KCNQ1OT1: variants seen among roughly 807,000 people sequenced by gnomAD.
KCNQ1OT1 encodes KCNQ1 antisense RNA 2 (non-protein coding).
At chr11:2,655,366 G>A (rs1337800748) in exon 1 of KCNQ1OT1, 6 of 398,560 alleles carry the variant, frequency 1.5e-5, no homozygotes, top group Middle Eastern at 6.2e-4. Flanking sequence ...AACCAGGACT[G>A]TCTTAGGAAA....
In KCNQ1OT1 at chr11:2,669,401, C is replaced by T. The variant is rs1850142362; in HGVS notation, n.30594G>A. On this transcript the variant is annotated non_coding_transcript_exon_variant, in exon 1 of 1. Coordinates refer to ENST00000597346, the Ensembl canonical transcript of KCNQ1OT1. The surrounding 1 kb of genome is among the most constrained non-coding windows in gnomAD (Gnocchi z 5.6). ...TTTTGGGGCTCCTGAAACATGGCAT[C>T]ATGTGTCCCTTGTTTATTTAGGTTG... 5.0e-6 allele frequency: 2 copies of T among 398,514 alleles called. No homozygotes were observed. The highest frequency in any genetic ancestry group is 8.8e-6 in the Non-Finnish European group (2 of 226,078). The allele number at this position is 398,514 out of a possible 1,614,324, so 24.7% of individuals were successfully genotyped here.
chr11:2,629,514 T>C (rs1472779434), exon 1 of KCNQ1OT1: 2 of 398,290 alleles, frequency 5.0e-6, no homozygotes, highest in Non-Finnish European at 8.9e-6. Flanking sequence ...GTATATGGAG[T>C]TAGGTAAAGG....
In KCNQ1OT1 at chr11:2,618,125, C is replaced by G. The variant is rs113339032; in HGVS notation, n.81870G>C. On this transcript the variant is annotated non_coding_transcript_exon_variant, in exon 1 of 1. Transcript: ENST00000597346. ...GCCAGAGCCATGTCGAGCTTTTCCC[C>G]TATGTTTTCTTCTGGTTGTGGGTTT... 243 of 398,424 alleles carry G rather than the reference C, an allele frequency of 6.1e-4. 1 individual carries two copies. The highest frequency in any genetic ancestry group is 8.7e-4 in the Non-Finnish European group (196 of 226,024). 24.7% of individuals were successfully genotyped at this position (398,424 alleles called of 1,614,324 possible).
At chr11:2,648,201 T>A (rs1849696885) in exon 1 of KCNQ1OT1, 2 of 334,246 alleles carry the variant, frequency 6.0e-6, no homozygotes, top group Admixed American at 5.5e-5. Flanking sequence ...TGAGACCGTG[T>A]CTCGGGGGGT....
chr11:2,648,981 C>CT, exon 1 of KCNQ1OT1: 5,277 of 311,516 alleles, frequency 0.017, 26 homozygotes, highest in African/African-American at 0.028. Context: ...TTTTCTTTTT[C>CT]TTTTTTTTTT....
chr11:2,666,473 G>T (rs779582430), exon 1 of KCNQ1OT1: 1 of 398,528 alleles, frequency 2.5e-6, no homozygotes, highest in African/African-American at 2.1e-5. Flanking sequence ...AGAATCTCAC[G>T]CCAAGACATT....
At chr11:2,650,203 T>G in exon 1 of KCNQ1OT1, 1 of 398,542 alleles carries the variant, frequency 2.5e-6, no homozygotes, top group East Asian at 3.6e-5. Flanking sequence ...TCCTGATATG[T>G]TTGTATTGTC....
Position 2,653,921 on chromosome 11 carries a change from G to A in KCNQ1OT1, n.46074C>T. On this transcript the variant is annotated non_coding_transcript_exon_variant, in exon 1 of 1. Coordinates refer to ENST00000597346, the Ensembl canonical transcript of KCNQ1OT1. The surrounding 1 kb of genome is among the most constrained non-coding windows in gnomAD (Gnocchi z 5.3). ...AAGATTTGAGAAGCTGTTCCCAGAA[G>A]CCAGGCCTGGCTGCTGGCAGGCAAA... 1 of 398,754 alleles carries A rather than the reference G, an allele frequency of 2.5e-6. No homozygotes were observed. The highest frequency in any genetic ancestry group is 1.3e-4 in the South Asian group (1 of 7,866). The allele number at this position is 398,754 out of a possible 1,614,324, so 24.7% of individuals were successfully genotyped here.
At chr11:2,662,141 G>C in exon 1 of KCNQ1OT1, 1 of 1,609,598 alleles carries the variant, frequency 6.2e-7, no homozygotes, top group Non-Finnish European at 8.5e-7. Flanking sequence ...CAAGGAGTCA[G>C]ACTTGGTGCT....
exon 1 of KCNQ1OT1, chr11:2,641,373 C>G: frequency 2.5e-6 from 1 of 398,096 alleles, no homozygotes; most frequent in East Asian, 3.6e-5. Context: ...TTGCATTTCC[C>G]TTATAATTAC....
rs1849597140 is a variant in KCNQ1OT1, at chr11:2,642,628, T to C, written n.57367A>G. ...TTTCAAAAACCGATTTTGCATTTCA[T>C]TGATCCTTTATATTTATTTAGTTTC... On this transcript the variant is annotated non_coding_transcript_exon_variant, in exon 1 of 1. Transcript: ENST00000597346. The surrounding 1 kb of genome is among the most constrained non-coding windows in gnomAD (Gnocchi z 4.3). 1 of 397,980 alleles carries C rather than the reference T, an allele frequency of 2.5e-6. No individual in the cohort carries two copies. The highest frequency in any genetic ancestry group is 4.4e-6 in the Non-Finnish European group (1 of 225,714). The allele number at this position is 397,980 out of a possible 1,614,324, so 24.7% of individuals were successfully genotyped here.
chr11:2,686,010 G>C (rs189980743), exon 1 of KCNQ1OT1: 1 of 398,892 alleles, frequency 2.5e-6, no homozygotes, highest in Non-Finnish European at 4.4e-6. Flanking sequence ...GAAGAGTCAG[G>C]GGGGCTCACT....
chr11:2,612,103 T>C lies in KCNQ1OT1; in HGVS notation n.87892A>G, dbSNP rs79877169. On this transcript the variant is annotated non_coding_transcript_exon_variant, in exon 1 of 1. Coordinates refer to ENST00000597346, the Ensembl canonical transcript of KCNQ1OT1. This position sits in a 1 kb window ranked among gnomAD's most constrained non-coding sequence, Gnocchi z 5.5. ...TTACACATCCTGTTAGGACAGGGGTTCCCAACCCCAGGGCCATGGACTGGT... is the reference window on the plus strand; with the variant it reads ...TTACACATCCTGTTAGGACAGGGGTCCCCAACCCCAGGGCCATGGACTGGT... The C allele has an allele frequency of 0.018, 7,189 of 398,622 alleles. 289 individuals carry two copies. The highest frequency in any genetic ancestry group is 0.11 in the East Asian group (3,094 of 28,070). 24.7% of individuals were successfully genotyped at this position (398,622 alleles called of 1,614,324 possible). A position where few individuals can be genotyped will look rare whatever the true frequency, so the allele number is the denominator to read the frequency against.
chr11:2,615,673 G>C (rs1849048950), exon 1 of KCNQ1OT1: 1 of 397,966 alleles, frequency 2.5e-6, no homozygotes, highest in Non-Finnish European at 4.4e-6. Flanking sequence ...TATTAATGTG[G>C]TGTATTACAT....
chr11:2,676,651 C>G lies in KCNQ1OT1; in HGVS notation n.23344G>C. 1.0e-5 allele frequency: 4 copies of G among 398,662 alleles called. No individual in the cohort carries two copies. The highest frequency in any genetic ancestry group is 1.8e-5 in the Non-Finnish European group (4 of 226,084). 24.7% of individuals were successfully genotyped at this position (398,662 alleles called of 1,614,324 possible). A position where few individuals can be genotyped will look rare whatever the true frequency, so the allele number is the denominator to read the frequency against. On this transcript the variant is annotated non_coding_transcript_exon_variant, in exon 1 of 1. Coordinates refer to ENST00000597346, the Ensembl canonical transcript of KCNQ1OT1. The surrounding 1 kb of genome is among the most constrained non-coding windows in gnomAD (Gnocchi z 4.2). Reference sequence around the variant, plus strand: ...TTCACAGATTCACAGATAGATAGTTCATTAAGGTCTTGAGTATTTCCAAGG... The same window carrying G: ...TTCACAGATTCACAGATAGATAGTTGATTAAGGTCTTGAGTATTTCCAAGG...
chr11:2,675,463 A>T (rs1051478573), exon 1 of KCNQ1OT1: 5 of 398,692 alleles, frequency 1.3e-5, no homozygotes, highest in Non-Finnish European at 2.2e-5. Flanking sequence ...AATGGAAAAA[A>T]GTTACATAAA....
At chr11:2,665,403 G>C (rs568379692) in exon 1 of KCNQ1OT1, 2 of 398,082 alleles carry the variant, frequency 5.0e-6, no homozygotes, top group African/African-American at 2.1e-5. Context: ...GCCAGGATGA[G>C]TTCCTGGGAT....
exon 1 of KCNQ1OT1, chr11:2,649,818 T>A (rs1849730174): frequency 2.5e-6 from 1 of 398,580 alleles, no homozygotes; most frequent in East Asian, 3.6e-5. Flanking sequence ...GAGCTTCCTT[T>A]ATCTGTTAGT....
Position 2,663,483 on chromosome 11 carries a change from G to A in KCNQ1OT1, n.36512C>T, listed in dbSNP as rs1490694326. On this transcript the variant is annotated non_coding_transcript_exon_variant, in exon 1 of 1. Coordinates refer to ENST00000597346, the Ensembl canonical transcript of KCNQ1OT1. The surrounding 1 kb of genome is among the most constrained non-coding windows in gnomAD (Gnocchi z 5.2). ...GTGTTAGTTTAGTGGCTCATGTTGTGTGCAATACAGGTGGCAGTGCCTGTA... is the reference window on the plus strand; with the variant it reads ...GTGTTAGTTTAGTGGCTCATGTTGTATGCAATACAGGTGGCAGTGCCTGTA... 1.8e-5 allele frequency: 7 copies of A among 398,544 alleles called. No homozygotes were observed. Among genetic ancestry groups the A allele is most frequent in the South Asian group, 1.3e-4 (1 of 7,862 alleles). The allele number at this position is 398,544 out of a possible 1,614,324, so 24.7% of individuals were successfully genotyped here.
Sources: gnomAD v4.1 joint callset for allele counts on GRCh38, gnomAD v4.1.1 for gene constraint, Gnocchi (gnomAD v3.1) non-coding constraint, MANE v1.5 for transcripts, NCBI Gene and HGNC (gene_info 2026-07-23, HGNC 2026-07-21) for gene names.